The following BRINP1 variants were observed in gnomAD, a reference collection of about 807,000 sequenced individuals.
BRINP1 encodes the protein BMP/retinoic acid-inducible neural-specific protein 1.
In BRINP1, 17 loss-of-function variants were observed where a neutral mutation model predicts 72.9. The observed-to-expected ratio is 0.23, with a 90% CI of 0.16 to 0.35. The LOEUF (loss-of-function observed/expected upper bound fraction) is 0.35, where lower values mean the gene tolerates loss of function less well. Ranked by LOEUF, BRINP1 falls within the 10% of genes least tolerant of loss-of-function variation. The pLI, the probability that BRINP1 is intolerant of heterozygous loss-of-function variation, is 1.00. For synonymous variants in BRINP1, 418 were observed against 378.5 expected (o/e 1.10, Z -1.21); for missense variants, 850 against 1,001.6 (o/e 0.85, Z 2.04).
In BRINP1 at chr9:119,322,530, A is replaced by C. The variant is rs1397958989; in HGVS notation, c.-50-9125T>G. On this transcript the variant is annotated intron_variant, in intron 1 of 7. Coordinates refer to ENST00000265922, the MANE Select transcript of BRINP1 (RefSeq NM_014618.3). ...ATGACCTTCCAGCAGCGCTGTTACC[A>C]AGCTCATCCTCTGGAGCTTTCTGCA... Among the ~76,000 whole-genome samples the C allele has an allele frequency of 2.6e-5, 4 of 152,136 alleles. No homozygotes were observed. The South Asian group carries it at 6.2e-4, about 24-fold the overall frequency.
intron 5 of BRINP1, among the ~76,000 whole-genome samples, chr9:119,226,769 T>C (rs1341331364): frequency 6.6e-6 from 1 of 151,908 alleles, no homozygotes; most frequent in Non-Finnish European, 1.5e-5. Flanking sequence ...TTTAGGAAAA[T>C]CACAGACTGT....
chr9:119,348,556 A>C (rs1009959902), intron 1 of BRINP1, among the ~76,000 whole-genome samples: 3 of 152,218 alleles, frequency 2.0e-5, no homozygotes, highest in Admixed American at 2.0e-4. Flanking sequence ...CCCCACTAGC[A>C]ATCAGTGAGA....
intron 7 of BRINP1, among the ~76,000 whole-genome samples, chr9:119,175,980 A>G (rs1829484360): frequency 6.6e-6 from 1 of 152,196 alleles, no homozygotes; most frequent in Non-Finnish European, 1.5e-5. Flanking sequence ...AATGTTGGGC[A>G]GTTTTCTTCA....
At chr9:119,218,701 C>G (rs1830006858) in intron 5 of BRINP1, among the ~76,000 whole-genome samples, 1 of 150,340 alleles carries the variant, frequency 6.7e-6, no homozygotes, top group South Asian at 2.1e-4. Context: ...GGCTCCAGCA[C>G]AGTTGAGACC....
rs200763577 is a variant in BRINP1 at position 119,167,877 on chromosome 9, C to T, written c.1493G>A (p.Arg498His). ...LKYLLQKMDSRLYVHTTFISN... is the reference protein window; with the variant it reads ...LKYLLQKMDSHLYVHTTFISN... ...GATGAAGGTGGTGTGGACGTAGAGG[C>T]GTGAGTCCATCTTCTGCAGCAGGTA... is the stretch of plus-strand genomic sequence containing the variant. Residue 498 changes from arginine to histidine, a missense_variant, in exon 8 of 8, where the codon CGC becomes CAC. By Grantham distance (29) the Arg-to-His change is conservative. Coordinates refer to ENST00000265922, the MANE Select transcript of BRINP1 (RefSeq NM_014618.3). The surrounding 1 kb of genome is among the most constrained non-coding windows in gnomAD (Gnocchi z 4.3). The T allele has an allele frequency of 3.7e-6, 6 of 1,614,168 alleles. No homozygotes were observed. The highest frequency in any genetic ancestry group is 1.7e-5 in the Admixed American group (1 of 60,024).
intron 7 of BRINP1, among the ~76,000 whole-genome samples, chr9:119,202,890 A>G (rs1406966822): frequency 6.6e-6 from 1 of 152,130 alleles, no homozygotes; most frequent in Non-Finnish European, 1.5e-5. Flanking sequence ...AAAGCCTGGC[A>G]CATAGTAAGC....
At chr9:119,217,202 A>G (rs368640527) in intron 5 of BRINP1, among the ~76,000 whole-genome samples, 1 of 152,138 alleles carries the variant, frequency 6.6e-6, no homozygotes, top group Non-Finnish European at 1.5e-5. Flanking sequence ...GCCTGCTTCA[A>G]TGGGAACCAT....
intron 7 of BRINP1, among the ~76,000 whole-genome samples, chr9:119,195,534 T>G (rs1829729210): frequency 6.6e-6 from 1 of 152,244 alleles, no homozygotes; most frequent in African/African-American, 2.4e-5. Flanking sequence ...TTGCAAACTT[T>G]AAAGTAATCT....
intron 7 of BRINP1, among the ~76,000 whole-genome samples, chr9:119,193,856 T>G (rs1369095634): frequency 6.6e-6 from 1 of 152,178 alleles, no homozygotes; most frequent in Admixed American, 6.5e-5. Context: ...TACAGTGGCT[T>G]TGACCAATGT....
intron 5 of BRINP1, among the ~76,000 whole-genome samples, chr9:119,232,643 AC>A (rs1369293319): frequency 5.9e-5 from 9 of 152,160 alleles, no homozygotes; most frequent in African/African-American, 2.2e-4. Flanking sequence ...TTAAAAACAT[AC>A]CTGACCATAC....
At chr9:119,175,120 A>T (rs1417057005) in intron 7 of BRINP1, among the ~76,000 whole-genome samples, 4 of 81,736 alleles carry the variant, frequency 4.9e-5, no homozygotes, top group Non-Finnish European at 8.9e-5. Flanking sequence ...AGTAAAGTAT[A>T]AAAAAAAAAA....
chr9:119,215,635 T>C (rs1829969377), intron 5 of BRINP1, among the ~76,000 whole-genome samples: 1 of 152,244 alleles, frequency 6.6e-6, no homozygotes, highest in Non-Finnish European at 1.5e-5. Context: ...TTCTAGATTT[T>C]TATCTTTTTT....
intron 2 of BRINP1, among the ~76,000 whole-genome samples, chr9:119,258,658 T>TG (rs1008469414): frequency 3.3e-5 from 5 of 152,214 alleles, no homozygotes; most frequent in African/African-American, 9.7e-5. Flanking sequence ...GCACCATTGG[T>TG]GGCAAGAGGG....
intron 1 of BRINP1, among the ~76,000 whole-genome samples, chr9:119,340,529 CA>C (rs1171811199): frequency 6.6e-6 from 1 of 152,160 alleles, no homozygotes; most frequent in Admixed American, 6.5e-5. Context: ...AGCTAATCTT[CA>C]ATGTATCATA....
At chr9:119,218,051 A>G (rs1182452486) in intron 5 of BRINP1, among the ~76,000 whole-genome samples, 1 of 151,822 alleles carries the variant, frequency 6.6e-6, no homozygotes, top group Non-Finnish European at 1.5e-5. Flanking sequence ...TATCTTTTGA[A>G]TTTGTTTTAT....
At chr9:119,317,948 G>T (rs549543283) in intron 1 of BRINP1, among the ~76,000 whole-genome samples, 3 of 152,224 alleles carry the variant, frequency 2.0e-5, no homozygotes, top group Non-Finnish European at 4.4e-5. Context: ...ACAGGATACT[G>T]TAAACATAAG....
chr9:119,308,413 C>T (rs2118990333), intron 2 of BRINP1, among the ~76,000 whole-genome samples: 2 of 152,280 alleles, frequency 1.3e-5, no homozygotes, highest in South Asian at 4.1e-4. Context: ...TCTGTAAGCT[C>T]CTTGAGGGCA....
At chr9:119,188,639 A>C (rs991000266) in intron 7 of BRINP1, among the ~76,000 whole-genome samples, 2 of 152,066 alleles carry the variant, frequency 1.3e-5, no homozygotes, top group African/African-American at 4.8e-5. Flanking sequence ...ACAATTAGCC[A>C]AGCATGGTGG....
At chr9:119,335,742 G>C (rs997309995) in intron 1 of BRINP1, among the ~76,000 whole-genome samples, 4 of 152,208 alleles carry the variant, frequency 2.6e-5, no homozygotes, top group African/African-American at 9.7e-5. Context: ...GTGCCATGCA[G>C]TGTGCTCAGA....
Sources: gnomAD v4.1 joint callset for allele counts (sites outside exome capture counted in the v4.1 genomes callset) on GRCh38, gnomAD v4.1.1 for gene constraint, Gnocchi (gnomAD v3.1) non-coding constraint, MANE v1.5 for transcripts, NCBI Gene and HGNC (gene_info 2026-07-23, HGNC 2026-07-21) for gene names.